Variants in TBC1D13 observed in about 807,000 individuals in gnomAD.
TBC1D13 encodes TBC1 domain family member 13.
A neutral mutation model predicts 53.6 loss-of-function variants in TBC1D13; 40 were observed. The ratio of observed to expected loss-of-function variants is 0.75; its 90% CI spans 0.58 to 0.97. The LOEUF (loss-of-function observed/expected upper bound fraction) is 0.97, where lower values mean the gene tolerates loss of function less well. Among genes scored for constraint, TBC1D13 ranks in the 50% least tolerant of loss-of-function variants. TBC1D13 has a pLI of 0.00. For synonymous variants in TBC1D13, 182 were observed against 197.7 expected, an observed-to-expected ratio of 0.92 and a Z score of 0.67; for missense variants, 377 against 499.4, an observed-to-expected ratio of 0.75 and a Z score of 2.34.
intron 7 of TBC1D13, among the ~76,000 whole-genome samples, chr9:128,798,250 C>CA (rs199705725): frequency 0.068 from 9,609 of 140,854 alleles, 387 homozygotes; most frequent in African/African-American, 0.12. Flanking sequence ...GAGACCCTGT[C>CA]AAAAAAAAAA....
At position 128,807,913 on chromosome 9, in the gene TBC1D13, G is replaced by GC. The variant is rs1829867485; in HGVS notation, c.*36dup. 1 of 1,597,866 alleles carries GC rather than the reference G, an allele frequency of 6.3e-7. No homozygotes were observed. Among genetic ancestry groups the GC allele is most frequent in the Middle Eastern group, 1.7e-4 (1 of 6,016 alleles). ...CAAGAGGCCCATGTTCCGGAGAGAA[G>GC]CCTCCCGACCCTGTGCCCTGGCTCC... is the stretch of plus-strand genomic sequence containing the variant. On this transcript the variant is annotated 3_prime_UTR_variant, in exon 12 of 12. Transcript: ENST00000372648.
At chr9:128,791,964 G>A (rs537709747) in intron 5 of TBC1D13, among the ~76,000 whole-genome samples, 1 of 152,202 alleles carries the variant, frequency 6.6e-6, no homozygotes, top group Admixed American at 6.5e-5. Context: ...CCTCATCCCT[G>A]TTCCTTGAAG....
rs78727350 is a variant in TBC1D13, at chr9:128,808,122, A to G, written c.*243A>G. On this transcript the variant is annotated 3_prime_UTR_variant, in exon 12 of 12. Transcript: ENST00000372648. ...TACTGAGGAGGGCTGGAGCTCGGGA[A>G]GTTGTCCTTCCTGGGCCAGGGCCGT... 7,599 of 508,068 alleles carry G rather than the reference A, an allele frequency of 0.015. 470 individuals carry two copies. The highest frequency in any genetic ancestry group is 0.13 in the African/African-American group (6,871 of 52,356). 31.5% of individuals were successfully genotyped at this position (508,068 alleles called of 1,614,324 possible).
chr9:128,791,307 C>G lies in TBC1D13; in HGVS notation c.139-73C>G, dbSNP rs1829527717. On this transcript the variant is annotated intron_variant, in intron 3 of 11. Coordinates refer to ENST00000372648, the MANE Select transcript of TBC1D13 (RefSeq NM_018201.5). Reference sequence around the variant, plus strand: ...CTTTATGAGATGTTTTTCTTGAGGCCTGTCATCCCCGCCTAAAGACTGACG... The same window carrying G: ...CTTTATGAGATGTTTTTCTTGAGGCGTGTCATCCCCGCCTAAAGACTGACG... The G allele has an allele frequency of 7.2e-6, 10 of 1,396,478 alleles. No individual in the cohort carries two copies. The Admixed American group carries it at 1.5e-4, about 21-fold the overall frequency. 86.5% of individuals were successfully genotyped at this position (1,396,478 alleles called of 1,614,324 possible). A position where few individuals can be genotyped will look rare whatever the true frequency, so the allele number is the denominator to read the frequency against.
Position 128,808,423 on chromosome 9 carries a change from G to GTGTGTGTGTT in TBC1D13, c.*553_*554insTTGTGTGTGT, listed in dbSNP as rs1554796449. The GTGTGTGTGTT allele has an allele frequency of 6.2e-6, 1 of 161,694 alleles. No individual in the cohort carries two copies. Among genetic ancestry groups the GTGTGTGTGTT allele is most frequent in the African/African-American group, 2.6e-5 (1 of 37,744 alleles). 10.0% of individuals were successfully genotyped at this position (161,694 alleles called of 1,614,324 possible). ...GCATCTTCTCCGTGTGTGTGTGTGTGTGTGTGTGTGTGTGTGTGTGTGTGT... is the reference window on the plus strand; with the variant it reads ...GCATCTTCTCCGTGTGTGTGTGTGTGTGTGTGTGTTTGTGTGTGTGTGTGTGTGTGTGTGT... On this transcript the variant is annotated 3_prime_UTR_variant, in exon 12 of 12. Coordinates refer to ENST00000372648, the MANE Select transcript of TBC1D13 (RefSeq NM_018201.5).
Position 128,788,408 on chromosome 9 carries a change from G to A in TBC1D13, c.97+1G>A. ...AAGCTGCGGGAACTCAGCTTTAGTG[G>A]TAAGAAGCCATTCTGTATTTTCACG... is the stretch of plus-strand genomic sequence containing the variant. On this transcript the variant is annotated splice_donor_variant, in intron 2 of 11. Transcript: ENST00000372648. LOFTEE classifies it high-confidence loss of function. 6.2e-7 allele frequency: 1 copy of A among 1,613,694 alleles called. No homozygotes were observed. The highest frequency in any genetic ancestry group is 8.5e-7 in the Non-Finnish European group (1 of 1,179,664).
intron 7 of TBC1D13, among the ~76,000 whole-genome samples, chr9:128,798,626 T>A (rs1299925837): frequency 1.3e-5 from 2 of 152,166 alleles, no homozygotes; most frequent in Non-Finnish European, 2.9e-5. Flanking sequence ...TGGGTGGAAC[T>A]GATAGGACCC....
intron 6 of TBC1D13, among the ~76,000 whole-genome samples, chr9:128,793,619 A>G (rs1184845040): frequency 6.6e-6 from 1 of 152,232 alleles, no homozygotes; most frequent in Non-Finnish European, 1.5e-5. Flanking sequence ...GGGTCTCCAC[A>G]GATACGTGGG....
chr9:128,803,589 C>T, intron 8 of TBC1D13, 129 bp downstream of exon 8: 2 of 831,626 alleles, frequency 2.4e-6, no homozygotes, highest in Non-Finnish European at 3.9e-6. Flanking sequence ...CTCTGAGATC[C>T]TTTGCAGCTG....
rs1829834214 is a variant in TBC1D13 at position 128,806,367 on chromosome 9, C to T, written c.1137+56C>T. On this transcript the variant is annotated intron_variant, in intron 11 of 11. Coordinates refer to ENST00000372648, the MANE Select transcript of TBC1D13 (RefSeq NM_018201.5). ...TGCCATGAGGCTGGCACTCGCCAGG[C>T]ACCTGCCCACGCCAGCTGCTGCGAC... The T allele has an allele frequency of 1.6e-5, 26 of 1,601,078 alleles. No individual in the cohort carries two copies. In the South Asian group the frequency reaches 2.6e-4, roughly 16 times the overall value.
In TBC1D13 at chr9:128,800,247, C is replaced by T. The variant is rs528592998; in HGVS notation, c.544-3003C>T. Among the ~76,000 whole-genome samples the T allele has an allele frequency of 3.6e-3, 545 of 152,230 alleles. 7 individuals are homozygous for T. The highest frequency in any genetic ancestry group is 2.2e-3 in the African/African-American group (90 of 41,560). Reference sequence around the variant, plus strand: ...GCTTCCGCCTGAGCAGGCCTAGGGCCGGGCCCAGCACTTGATTTACAAAGT... The same window carrying T: ...GCTTCCGCCTGAGCAGGCCTAGGGCTGGGCCCAGCACTTGATTTACAAAGT... On this transcript the variant is annotated intron_variant, in intron 7 of 11. Transcript: ENST00000372648.
intron 9 of TBC1D13, 57 bp from the exon 10 acceptor site, chr9:128,805,802 C>T (rs1379843974): frequency 6.3e-7 from 1 of 1,575,492 alleles, no homozygotes; most frequent in Non-Finnish European, 8.6e-7. Flanking sequence ...GCGTGGTGCT[C>T]CATGGCCGGC....
At chr9:128,804,718 C>CTG (rs1322234652) in intron 9 of TBC1D13, among the ~76,000 whole-genome samples, 1 of 83,370 alleles carries the variant, frequency 1.2e-5, no homozygotes, top group African/African-American at 5.0e-5. Flanking sequence ...CCTTTTTTTT[C>CTG]TGTTTTTTTT....
chr9:128,787,453 C>G, intron 1 of TBC1D13, 77 bp downstream of exon 1: 1 of 1,235,920 alleles, frequency 8.1e-7, no homozygotes, highest in South Asian at 4.1e-5. Context: ...AAGGGGGAAG[C>G]GCGGGTGTGG....
intron 6 of TBC1D13, among the ~76,000 whole-genome samples, chr9:128,792,985 C>A (rs562864184): frequency 6.6e-6 from 1 of 152,328 alleles, no homozygotes; most frequent in African/African-American, 2.4e-5. Flanking sequence ...TAGATCTTAG[C>A]AGATGGCATT....
In TBC1D13 at chr9:128,808,275, G is replaced by A. The variant is rs138797117; in HGVS notation, c.*396G>A. On this transcript the variant is annotated 3_prime_UTR_variant, in exon 12 of 12. Transcript: ENST00000372648. ...GTGCTTGGCCAATGGGCCAGAAACC[G>A]CTTCTGAGCGGGGCACTTCGGCTGC... 107 of 242,464 alleles carry A rather than the reference G, an allele frequency of 4.4e-4. 1 individual carries two copies. The highest frequency in any genetic ancestry group is 1.9e-3 in the African/African-American group (87 of 46,238). 15.0% of individuals were successfully genotyped at this position (242,464 alleles called of 1,614,324 possible).
At chr9:128,801,769 T>TC (rs1251664825) in intron 7 of TBC1D13, among the ~76,000 whole-genome samples, 2 of 149,620 alleles carry the variant, frequency 1.3e-5, no homozygotes, top group African/African-American at 4.9e-5. Context: ...TGTTTTTTGT[T>TC]TTTTTTTTTT....
chr9:128,804,741 T>G (rs1182924567), intron 9 of TBC1D13, among the ~76,000 whole-genome samples: 2 of 141,576 alleles, frequency 1.4e-5, no homozygotes, highest in Admixed American at 7.2e-5. Context: ...TTTTTTTTTT[T>G]TTTTGAGAAG....
intron 6 of TBC1D13, among the ~76,000 whole-genome samples, chr9:128,794,872 A>G (rs1829599846): frequency 1.3e-5 from 2 of 151,658 alleles, no homozygotes; most frequent in Admixed American, 6.6e-5. Context: ...CGTGTACTGC[A>G]ATACATATAT....
Sources: gnomAD v4.1 joint callset for allele counts (sites outside exome capture counted in the v4.1 genomes callset) on GRCh38, gnomAD v4.1.1 for gene constraint, MANE v1.5 for transcripts, NCBI Gene and HGNC (gene_info 2026-07-23, HGNC 2026-07-21) for gene names.